The following NALCN variants were observed in gnomAD, a reference collection of about 807,000 sequenced individuals.
NALCN encodes the protein sodium leak channel NALCN.
In NALCN, 111 loss-of-function variants were observed where a neutral mutation model predicts 225.3. The ratio of observed to expected loss-of-function variants is 0.49; its 90% CI spans 0.42 to 0.58. The LOEUF is 0.58. Ranked by LOEUF, NALCN falls within the 20% of genes least tolerant of loss-of-function variation. The pLI, the probability that NALCN is intolerant of heterozygous loss-of-function variation, is 0.00. For synonymous variants in NALCN, 764 were observed against 769.0 expected, an observed-to-expected ratio of 0.99 and a Z score of 0.11; for missense variants, 1,378 against 2,202.4, an observed-to-expected ratio of 0.63 and a Z score of 7.49.
At chr13:101,299,288 G>A (rs1403231345) in intron 7 of NALCN, among the ~76,000 whole-genome samples, 1 of 152,176 alleles carries the variant, frequency 6.6e-6, no homozygotes, top group Non-Finnish European at 1.5e-5. Flanking sequence ...TGCGGAATAA[G>A]CCATTACAAA....
intron 11 of NALCN, among the ~76,000 whole-genome samples, chr13:101,239,356 G>T (rs2041677394): frequency 6.6e-6 from 1 of 151,776 alleles, no homozygotes; most frequent in African/African-American, 2.4e-5. Flanking sequence ...AAAATAATGT[G>T]ACAGGTATTT....
At chr13:101,259,517 G>C (rs569704492) in intron 10 of NALCN, among the ~76,000 whole-genome samples, 1 of 151,186 alleles carries the variant, frequency 6.6e-6, no homozygotes, top group Non-Finnish European at 1.5e-5. Flanking sequence ...TGTATTTTTA[G>C]TAGAGACAGG....
intron 13 of NALCN, among the ~76,000 whole-genome samples, chr13:101,227,335 G>A (rs2041182728): frequency 6.6e-6 from 1 of 152,118 alleles, no homozygotes; most frequent in Non-Finnish European, 1.5e-5. Flanking sequence ...AAGTGCACCT[G>A]AAAGCAATAA....
chr13:101,199,377 T>C (rs558981252), intron 13 of NALCN, among the ~76,000 whole-genome samples: 270 of 151,794 alleles, frequency 1.8e-3, no homozygotes, highest in African/African-American at 6.0e-3. Context: ...CTATTCACAA[T>C]AGCAAAGACT....
intron 10 of NALCN, among the ~76,000 whole-genome samples, chr13:101,269,501 G>A (rs1412584645): frequency 6.6e-6 from 1 of 152,080 alleles, no homozygotes; most frequent in Non-Finnish European, 1.5e-5. Context: ...TTTCCCCTGA[G>A]GTGTCTTAGC....
chr13:101,082,714 C>A, intron 33 of NALCN, 95 bp downstream of exon 33: 1 of 1,282,056 alleles, frequency 7.8e-7, no homozygotes, highest in South Asian at 1.2e-5. Flanking sequence ...GGCAATGGAA[C>A]ACAGAGAGGA....
At chr13:101,207,374 G>A (rs2040353535) in intron 13 of NALCN, among the ~76,000 whole-genome samples, 1 of 152,134 alleles carries the variant, frequency 6.6e-6, no homozygotes, top group Non-Finnish European at 1.5e-5. Flanking sequence ...AATATTTTTG[G>A]TGGTTATTTT....
intron 7 of NALCN, among the ~76,000 whole-genome samples, chr13:101,314,978 C>A (rs561856985): frequency 3.3e-5 from 5 of 152,296 alleles, no homozygotes; most frequent in Admixed American, 3.3e-4. Flanking sequence ...GAACGTACCT[C>A]CAGTGAGATG....
At chr13:101,370,696 A>G (rs2046514535) in intron 6 of NALCN, among the ~76,000 whole-genome samples, 1 of 152,236 alleles carries the variant, frequency 6.6e-6, no homozygotes, top group Non-Finnish European at 1.5e-5. Flanking sequence ...TAGTGCAGGC[A>G]CAATTGCTTA....
At chr13:101,256,218 T>TAACCTCTTC (rs1274870019) in intron 11 of NALCN, among the ~76,000 whole-genome samples, 1 of 152,210 alleles carries the variant, frequency 6.6e-6, no homozygotes, top group Non-Finnish European at 1.5e-5. Context: ...TCTCTGATCA[T>TAACCTCTTC]AACCTCTTCT....
At chr13:101,058,437 T>A in intron 42 of NALCN, 18 of 152,366 alleles carry the variant, frequency 1.2e-4, no homozygotes, top group South Asian at 1.0e-3. Flanking sequence ...CAGTCTACTG[T>A]CACCAGCCTG....
chr13:101,104,935 A>G lies in NALCN; in HGVS notation c.2595T>C (p.Pro865=), dbSNP rs1340756966. ...TTGTATTTTTCACAGCTCCTGTGAC[A>G]GGGTCTGTTTTAGATCTGTAAGAGA... The part of the protein sequence containing the change: ...RARFNASKTD[P]VTGAVKNTKY... Residue 865 remains proline (P), a synonymous_variant, in exon 23 of 44, where the codon CCT becomes CCC. Coordinates refer to ENST00000251127, the MANE Select transcript of NALCN (RefSeq NM_052867.4). This position sits in a 1 kb window ranked among gnomAD's most constrained non-coding sequence, Gnocchi z 4.2. 1.9e-6 allele frequency: 3 copies of G among 1,613,634 alleles called. No individual in the cohort carries two copies. Among genetic ancestry groups the G allele is most frequent in the East Asian group, 2.2e-5 (1 of 44,850 alleles).
intron 1 of NALCN, among the ~76,000 whole-genome samples, chr13:101,401,063 G>A (rs1266393939): frequency 6.6e-6 from 1 of 152,120 alleles, no homozygotes; most frequent in Non-Finnish European, 1.5e-5. Context: ...AGCGTCGTCA[G>A]GTATTTCTTT....
chr13:101,055,216 C>T lies in NALCN; in HGVS notation c.*79G>A. On this transcript the variant is annotated 3_prime_UTR_variant, in exon 44 of 44. Transcript: ENST00000251127. Reference sequence around the variant, plus strand: ...CTGGAATTCAGTTATAGATCAATTACAGATTGCTCACTGGACAATCAAGGA... The same window carrying T: ...CTGGAATTCAGTTATAGATCAATTATAGATTGCTCACTGGACAATCAAGGA... 1 of 1,103,840 alleles carries T rather than the reference C, an allele frequency of 9.1e-7. No homozygotes were observed. Among genetic ancestry groups the T allele is most frequent in the Non-Finnish European group, 1.3e-6 (1 of 755,210 alleles). 68.4% of individuals were successfully genotyped at this position (1,103,840 alleles called of 1,614,324 possible). A position where few individuals can be genotyped will look rare whatever the true frequency, so the allele number is the denominator to read the frequency against.
At chr13:101,185,072 T>C (rs560630732) in intron 14 of NALCN, among the ~76,000 whole-genome samples, 2 of 152,320 alleles carry the variant, frequency 1.3e-5, no homozygotes, top group South Asian at 2.1e-4. Context: ...TTTCTTTTCC[T>C]GTTTACCATT....
At chr13:101,055,598 T>C in intron 43 of NALCN, 110 bp from the exon 44 acceptor site, 1 of 814,978 alleles carries the variant, frequency 1.2e-6, no homozygotes, top group African/African-American at 1.7e-5. Context: ...TAACGTGTCC[T>C]AGCCACAGAT....
chr13:101,343,526 C>A (rs764174626), intron 7 of NALCN, among the ~76,000 whole-genome samples: 1 of 152,204 alleles, frequency 6.6e-6, no homozygotes, highest in Non-Finnish European at 1.5e-5. Context: ...CTTTGTTGAG[C>A]CTATTAGTAA....
chr13:101,222,302 C>G (rs1377384604), intron 13 of NALCN, among the ~76,000 whole-genome samples: 1 of 152,016 alleles, frequency 6.6e-6, no homozygotes, highest in African/African-American at 2.4e-5. Flanking sequence ...GCCATAGGCG[C>G]TCACCCCCAT....
chr13:101,165,354 T>G (rs2139886410), intron 15 of NALCN, among the ~76,000 whole-genome samples: 1 of 152,350 alleles, frequency 6.6e-6, no homozygotes, highest in African/African-American at 2.4e-5. Flanking sequence ...GGCCCTGAGC[T>G]TGCTCTTATT....
Sources: allele counts gnomAD v4.1 joint callset (sites outside exome capture counted in the v4.1 genomes callset), GRCh38; gene constraint gnomAD v4.1.1; non-coding constraint Gnocchi (gnomAD v3.1); transcripts MANE v1.5; gene names NCBI Gene and HGNC (gene_info 2026-07-23, HGNC 2026-07-21).